Variants in ATP11A observed in about 807,000 individuals in gnomAD.
ATP11A encodes phospholipid-transporting ATPase IH.
In ATP11A, 81 loss-of-function variants were observed where a neutral mutation model predicts 154.4. The observed-to-expected ratio is 0.52, with a 90% confidence interval of 0.44 to 0.63. The LOEUF (loss-of-function observed/expected upper bound fraction) is 0.63. Ranked by LOEUF, ATP11A falls within the 30% of genes least tolerant of loss-of-function variation. The pLI is 0.00. For synonymous variants in ATP11A, 623 were observed against 585.9 expected, an observed-to-expected ratio of 1.06 and a Z score of -0.91; for missense variants, 1,316 against 1,474.3, an observed-to-expected ratio of 0.89 and a Z score of 1.76.
chr13:112,760,530 T>C (rs901243721), intron 1 of ATP11A, among the ~76,000 whole-genome samples: 2 of 152,224 alleles, frequency 1.3e-5, no homozygotes, highest in Non-Finnish European at 2.9e-5. Context: ...TTAATGTTCT[T>C]TTTAAAAAAG....
chr13:112,828,464 A>G (rs2079002845), intron 12 of ATP11A, among the ~76,000 whole-genome samples: 1 of 147,942 alleles, frequency 6.8e-6, no homozygotes, highest in African/African-American at 2.5e-5. Flanking sequence ...TAGGTGGGAA[A>G]GCGCCCAGAA....
intron 1 of ATP11A, among the ~76,000 whole-genome samples, chr13:112,752,496 C>T (rs1219723914): frequency 1.3e-5 from 2 of 152,126 alleles, no homozygotes; most frequent in African/African-American, 2.4e-5. Context: ...CTGTGCGGAG[C>T]GGGCTGTGAG....
chr13:112,708,941 A>T (rs543839486), intron 1 of ATP11A, among the ~76,000 whole-genome samples: 2 of 152,298 alleles, frequency 1.3e-5, no homozygotes, highest in East Asian at 1.9e-4. Context: ...TCCTGTCTTA[A>T]CTTGAAGACC....
intron 1 of ATP11A, among the ~76,000 whole-genome samples, chr13:112,724,869 C>T (rs1013757891): frequency 2.6e-5 from 4 of 152,206 alleles, no homozygotes; most frequent in Admixed American, 2.0e-4. Flanking sequence ...CATTCCACCA[C>T]GGAGCCAGGG....
In ATP11A at chr13:112,859,304, T is replaced by C; in HGVS notation, c.2668-89T>C. The C allele has an allele frequency of 2.9e-6, 3 of 1,024,108 alleles. No homozygotes were observed. Among genetic ancestry groups the C allele is most frequent in the South Asian group, 2.5e-5 (2 of 78,922 alleles). The allele number at this position is 1,024,108 out of a possible 1,614,324, so 63.4% of individuals were successfully genotyped here. Reference sequence around the variant, plus strand: ...CGCACGCTGGGTGCACGTGGATCCCTCCTCCCATGTGGGGTGGGCCACGTC... The same window carrying C: ...CGCACGCTGGGTGCACGTGGATCCCCCCTCCCATGTGGGGTGGGCCACGTC... On this transcript the variant is annotated intron_variant, in intron 22 of 29. Transcript: ENST00000375645. The surrounding 1 kb of genome is among the most constrained non-coding windows in gnomAD (Gnocchi z 4.3).
chr13:112,814,910 G>C (rs2078600830), intron 5 of ATP11A, among the ~76,000 whole-genome samples: 1 of 152,200 alleles, frequency 6.6e-6, no homozygotes, highest in Non-Finnish European at 1.5e-5. Context: ...GATTTTGATA[G>C]GGATTTTACT....
Position 112,885,833 on chromosome 13 carries a change from TC to T in ATP11A, c.*3972del, listed in dbSNP as rs539121209. 4 of 151,994 alleles carry T rather than the reference TC, an allele frequency of 2.6e-5. No individual in the cohort carries two copies. The highest frequency in any genetic ancestry group is 5.9e-5 in the Non-Finnish European group (4 of 68,034). The allele number at this position is 151,994 out of a possible 1,614,324, so 9.4% of individuals were successfully genotyped here. A position where few individuals can be genotyped will look rare whatever the true frequency, so the allele number is the denominator to read the frequency against. ...GCCCATGCCTCCCTGGGATGAAGAG[TC>T]CCCCTCCTGGCAGAATGTCTGGGCT... On this transcript the variant is annotated 3_prime_UTR_variant, in exon 30 of 30. Coordinates refer to ENST00000375645, the MANE Select transcript of ATP11A (RefSeq NM_015205.3).
At chr13:112,713,787 G>A (rs559780651) in intron 1 of ATP11A, among the ~76,000 whole-genome samples, 4 of 152,264 alleles carry the variant, frequency 2.6e-5, no homozygotes, top group East Asian at 1.9e-4. Flanking sequence ...CATGTGTCCA[G>A]TTGAGGGGAA....
intron 12 of ATP11A, among the ~76,000 whole-genome samples, 164 bp downstream of exon 12, chr13:112,827,055 G>A (rs983658329): frequency 1.3e-5 from 2 of 152,216 alleles, no homozygotes; most frequent in African/African-American, 2.4e-5. Context: ...AGTCAGCCGT[G>A]CTGTTACATT....
intron 24 of ATP11A, 131 bp from the exon 25 acceptor site, chr13:112,862,297 GCCAGAGCACAAA>G (rs1458436122): frequency 1.0e-6 from 1 of 970,022 alleles, no homozygotes; most frequent in African/African-American, 1.6e-5. Flanking sequence ...CACATTTGTG[GCCAGAGCACAAA>G]CTTGATGTTT....
intron 2 of ATP11A, among the ~76,000 whole-genome samples, chr13:112,786,790 C>T (rs2077638632): frequency 6.6e-6 from 1 of 152,270 alleles, no homozygotes; most frequent in Non-Finnish European, 1.5e-5. Flanking sequence ...CACACGTGTG[C>T]CCTCACCTGT....
chr13:112,887,044 T>C lies in ATP11A; in HGVS notation c.*5178T>C. ...CTTCTGTTTTTAACTTTTATTTCTG[T>C]AGATAAACTGACTGGATAATATTAT... is the stretch of plus-strand genomic sequence containing the variant. On this transcript the variant is annotated 3_prime_UTR_variant, in exon 30 of 30. Coordinates refer to ENST00000375645, the MANE Select transcript of ATP11A (RefSeq NM_015205.3). The C allele has an allele frequency of 6.6e-6, 1 of 152,268 alleles. No homozygotes were observed. The highest frequency in any genetic ancestry group is 1.9e-4 in the East Asian group (1 of 5,206). The allele number at this position is 152,268 out of a possible 1,614,324, so 9.4% of individuals were successfully genotyped here. A position where few individuals can be genotyped will look rare whatever the true frequency, so the allele number is the denominator to read the frequency against.
At chr13:112,755,411 C>T (rs2076797627) in intron 1 of ATP11A, among the ~76,000 whole-genome samples, 1 of 152,206 alleles carries the variant, frequency 6.6e-6, no homozygotes, top group African/African-American at 2.4e-5. Flanking sequence ...TCCCTTGTAG[C>T]AGTCACCCAC....
intron 1 of ATP11A, among the ~76,000 whole-genome samples, chr13:112,705,628 G>A (rs2139525411): frequency 6.6e-6 from 1 of 152,342 alleles, no homozygotes; most frequent in Admixed American, 6.5e-5. Context: ...TCCAGGCAGA[G>A]GAAGCCCCCC....
chr13:112,848,560 TCCTC>T (rs1385332324), intron 17 of ATP11A, among the ~76,000 whole-genome samples: 2 of 152,238 alleles, frequency 1.3e-5, no homozygotes, highest in Non-Finnish European at 2.9e-5. Flanking sequence ...TATAGCCTAA[TCCTC>T]TCACTTAGAG....
intron 25 of ATP11A, among the ~76,000 whole-genome samples, chr13:112,865,070 T>G: frequency 8.1e-6 from 1 of 123,870 alleles, no homozygotes; most frequent in East Asian, 2.5e-4. Flanking sequence ...CCCAGCGGGA[T>G]CCATCACCAC....
At chr13:112,756,904 C>T (rs140185771) in intron 1 of ATP11A, among the ~76,000 whole-genome samples, 4 of 151,810 alleles carry the variant, frequency 2.6e-5, no homozygotes, top group East Asian at 1.9e-4. Context: ...GCTCCCAGCG[C>T]GGGGCCTGCT....
chr13:112,784,904 C>T (rs557481096), intron 1 of ATP11A, among the ~76,000 whole-genome samples: 6 of 152,300 alleles, frequency 3.9e-5, no homozygotes, highest in East Asian at 3.9e-4. Flanking sequence ...CTCACAGGAG[C>T]GCAGACCCTC....
intron 1 of ATP11A, among the ~76,000 whole-genome samples, chr13:112,702,517 C>A (rs550886459): frequency 6.6e-6 from 1 of 152,298 alleles, no homozygotes; most frequent in Non-Finnish European, 1.5e-5. Flanking sequence ...GGCCTCGGGC[C>A]CGATGTGCCA....
Sources: gnomAD v4.1 joint callset for allele counts (sites outside exome capture counted in the v4.1 genomes callset) on GRCh38, gnomAD v4.1.1 for gene constraint, Gnocchi (gnomAD v3.1) non-coding constraint, MANE v1.5 for transcripts, NCBI Gene and HGNC (gene_info 2026-07-23, HGNC 2026-07-21) for gene names.